Variants in CDC42BPB observed in about 807,000 individuals in gnomAD.
CDC42BPB encodes serine/threonine-protein kinase MRCK beta.
Under a neutral mutation model 214.9 loss-of-function variants are expected in CDC42BPB, and 37 were observed. The ratio of observed to expected loss-of-function variants is 0.17; its 90% CI spans 0.13 to 0.23. The LOEUF (loss-of-function observed/expected upper bound fraction) is 0.23, where lower values mean the gene tolerates loss of function less well. CDC42BPB is among the 10% of genes least tolerant of loss of function. CDC42BPB has a pLI of 1.00. For missense variants in CDC42BPB, 1,694 were observed against 2,227.0 expected, an observed-to-expected ratio of 0.76 and a Z score of 4.82; for synonymous variants, 931 against 884.0, an observed-to-expected ratio of 1.05 and a Z score of -0.94.
chr14:102,961,836 C>A (rs573335435), intron 20 of CDC42BPB, among the ~76,000 whole-genome samples: 4 of 152,304 alleles, frequency 2.6e-5, no homozygotes, highest in South Asian at 2.1e-4. Context: ...AGCCACCGCA[C>A]CGGCTGCAAA....
chr14:102,964,926 T>A, intron 18 of CDC42BPB: 1 of 363,526 alleles, frequency 2.8e-6, no homozygotes, highest in Non-Finnish European at 3.8e-6. Context: ...TCTTTTCTTT[T>A]CTTTTTTTTT....
Position 102,963,162 on chromosome 14 carries a change from TA to T in CDC42BPB, c.2727-8del. Reference sequence around the variant, plus strand: ...TTCGGAATCCTTTAGTTTGCTAAAATAAAAAATAAATGGCTTTAAGTGCACT... The same window carrying T: ...TTCGGAATCCTTTAGTTTGCTAAAATAAAAATAAATGGCTTTAAGTGCACT... On this transcript the variant is annotated splice_polypyrimidine_tract_variant and splice_region_variant and intron_variant, in intron 19 of 36. Transcript: ENST00000361246. The T allele has an allele frequency of 1.9e-6, 3 of 1,584,900 alleles. No individual in the cohort carries two copies. Among genetic ancestry groups the T allele is most frequent in the Non-Finnish European group, 2.6e-6 (3 of 1,160,708 alleles).
At chr14:102,959,760 T>A (rs1242384879) in intron 20 of CDC42BPB, 50 bp from the exon 21 acceptor site, 1 of 1,552,726 alleles carries the variant, frequency 6.4e-7, no homozygotes, top group Admixed American at 1.9e-5. Context: ...AAAGTCTACA[T>A]ATTATTTTCA....
At chr14:102,994,974 TTTTC>T (rs1222624475) in intron 5 of CDC42BPB, among the ~76,000 whole-genome samples, 1 of 152,056 alleles carries the variant, frequency 6.6e-6, no homozygotes, top group African/African-American at 2.4e-5. Context: ...CTCTCCGAGG[TTTTC>T]TTTTCTTTTT....
chr14:102,956,656 T>C, intron 21 of CDC42BPB, among the ~76,000 whole-genome samples: 1 of 151,792 alleles, frequency 6.6e-6, no homozygotes, highest in African/African-American at 2.4e-5. Flanking sequence ...ATAGCAAGAA[T>C]CCATCTCTAC....
intron 36 of CDC42BPB, among the ~76,000 whole-genome samples, chr14:102,934,883 A>C (rs1049676138): frequency 6.6e-6 from 1 of 151,616 alleles, no homozygotes; most frequent in South Asian, 2.1e-4. Flanking sequence ...GGTGGTGGGC[A>C]CCTGTAGTCC....
At chr14:102,990,234 G>T (rs1310691174) in intron 5 of CDC42BPB, among the ~76,000 whole-genome samples, 1 of 152,194 alleles carries the variant, frequency 6.6e-6, no homozygotes, top group African/African-American at 2.4e-5. Flanking sequence ...TGAAGGGGGA[G>T]ATGGGGTTAA....
chr14:103,009,875 C>T (rs1008857303), intron 2 of CDC42BPB, among the ~76,000 whole-genome samples: 9 of 152,340 alleles, frequency 5.9e-5, no homozygotes, highest in Admixed American at 5.9e-4. Context: ...GGTACAGTGG[C>T]TCATGCCTAT....
intron 1 of CDC42BPB, among the ~76,000 whole-genome samples, chr14:103,029,106 AT>A (rs1346458321): frequency 5.9e-5 from 9 of 152,204 alleles, no homozygotes; most frequent in African/African-American, 2.2e-4. Flanking sequence ...TTTATGGGAA[AT>A]TTTCTCTTAT....
rs552979515 is a variant in CDC42BPB, at chr14:103,051,988, C to T, written c.175+5011G>A. ...AGCCTCCCAAGTAGGTGGGACTATG[C>T]GTGCCACCACACCCGGCTAATTTTT... On this transcript the variant is annotated intron_variant, in intron 1 of 36. Coordinates refer to ENST00000361246, the MANE Select transcript of CDC42BPB (RefSeq NM_006035.4). Among the ~76,000 whole-genome samples, 8 of 152,126 alleles carry T rather than the reference C, an allele frequency of 5.3e-5. No individual in the cohort carries two copies. The South Asian group carries it at 1.5e-3, about 28-fold the overall frequency.
At chr14:103,002,441 C>A (rs1000324444) in intron 4 of CDC42BPB, among the ~76,000 whole-genome samples, 7 of 152,166 alleles carry the variant, frequency 4.6e-5, no homozygotes, top group Non-Finnish European at 8.8e-5. Flanking sequence ...GATGGCAGCA[C>A]GCTATGCTAA....
At chr14:103,043,193 A>G (rs1274374432) in intron 1 of CDC42BPB, among the ~76,000 whole-genome samples, 1 of 152,190 alleles carries the variant, frequency 6.6e-6, no homozygotes, top group Non-Finnish European at 1.5e-5. Context: ...GCAATGAGCC[A>G]AGATCACGCC....
intron 26 of CDC42BPB, among the ~76,000 whole-genome samples, chr14:102,949,403 C>T (rs34740374): frequency 7.2e-5 from 11 of 152,226 alleles, no homozygotes; most frequent in South Asian, 6.2e-4. Context: ...GTCTCTAAAA[C>T]GCACAGACGG....
intron 1 of CDC42BPB, among the ~76,000 whole-genome samples, chr14:103,045,787 T>A (rs1470780149): frequency 6.6e-6 from 1 of 152,164 alleles, no homozygotes; most frequent in East Asian, 1.9e-4. Flanking sequence ...CTCGCACACC[T>A]GGAAACCACA....
chr14:102,961,395 C>G (rs1235529547), intron 20 of CDC42BPB, among the ~76,000 whole-genome samples: 1 of 151,134 alleles, frequency 6.6e-6, no homozygotes, highest in African/African-American at 2.4e-5. Context: ...AGTGCAGTGG[C>G]GAGATCTCAG....
At chr14:103,053,927 A>C (rs1021530933) in intron 1 of CDC42BPB, among the ~76,000 whole-genome samples, 1 of 151,820 alleles carries the variant, frequency 6.6e-6, no homozygotes, top group Non-Finnish European at 1.5e-5. Context: ...TGCAGCCTTG[A>C]CCTCCCAGGC....
At chr14:102,960,792 T>A (rs1475335127) in intron 20 of CDC42BPB, among the ~76,000 whole-genome samples, 2 of 152,118 alleles carry the variant, frequency 1.3e-5, no homozygotes, top group African/African-American at 2.4e-5. Flanking sequence ...CAGCTAGCCA[T>A]TAGCAAAAGA....
At chr14:102,979,345 TG>T (rs1893896745) in intron 8 of CDC42BPB, among the ~76,000 whole-genome samples, 1 of 151,996 alleles carries the variant, frequency 6.6e-6, no homozygotes. Flanking sequence ...CCCAAGTAGC[TG>T]GATTACAGGC....
chr14:102,965,821 C>T (rs575336093), intron 18 of CDC42BPB, among the ~76,000 whole-genome samples: 6 of 152,132 alleles, frequency 3.9e-5, no homozygotes, highest in Non-Finnish European at 5.9e-5. Flanking sequence ...CCAGGTGTAG[C>T]GGCACACGCC....
Sources: gnomAD v4.1 joint callset for allele counts (sites outside exome capture counted in the v4.1 genomes callset) on GRCh38, gnomAD v4.1.1 for gene constraint, MANE v1.5 for transcripts, NCBI Gene and HGNC (gene_info 2026-07-23, HGNC 2026-07-21) for gene names.